Variants in CCDC149 observed in about 807,000 individuals in gnomAD.
CCDC149 encodes the protein coiled-coil domain-containing protein 149.
In CCDC149, 45 loss-of-function variants were observed where a neutral mutation model predicts 59.9. The observed-to-expected ratio is 0.75, with a 90% CI of 0.59 to 0.96. The LOEUF is 0.96. Ranked by LOEUF, CCDC149 falls within the 40% of genes least tolerant of loss-of-function variation. The pLI is 0.00. For missense variants in CCDC149, 584 were observed against 664.7 expected (o/e 0.88, Z 1.33); for synonymous variants, 245 against 260.6 (o/e 0.94, Z 0.58).
intron 1 of CCDC149, among the ~76,000 whole-genome samples, chr4:24,952,383 G>T (rs899287406): frequency 2.0e-5 from 3 of 151,320 alleles, no homozygotes; most frequent in African/African-American, 7.3e-5. Context: ...CTTGAGGTCG[G>T]GAGTTCAAGA....
intron 4 of CCDC149, among the ~76,000 whole-genome samples, chr4:24,846,881 C>A (rs1717322082): frequency 6.6e-6 from 1 of 152,188 alleles, no homozygotes; most frequent in African/African-American, 2.4e-5. Context: ...TATTGGTCCT[C>A]TGCATGAAAG....
chr4:24,831,396 G>A, intron 9 of CCDC149, 110 bp downstream of exon 9: 1 of 1,061,936 alleles, frequency 9.4e-7, no homozygotes, highest in African/African-American at 1.6e-5. Context: ...GATTTGAGGG[G>A]TCTCACCTTC....
At chr4:24,948,847 T>C (rs1723195402) in intron 1 of CCDC149, among the ~76,000 whole-genome samples, 1 of 152,190 alleles carries the variant, frequency 6.6e-6, no homozygotes, top group African/African-American at 2.4e-5. Flanking sequence ...GTTCTTGTGA[T>C]AGTGAATAAA....
intron 1 of CCDC149, among the ~76,000 whole-genome samples, chr4:24,932,128 C>T (rs1330715613): frequency 6.6e-6 from 1 of 151,882 alleles, no homozygotes; most frequent in Non-Finnish European, 1.5e-5. Flanking sequence ...ATTGTGGCTT[C>T]TATTTTTAAC....
intron 1 of CCDC149, among the ~76,000 whole-genome samples, chr4:24,934,857 G>C (rs1722695256): frequency 6.6e-6 from 1 of 152,218 alleles, no homozygotes; most frequent in South Asian, 2.1e-4. Context: ...AGTCGACTGA[G>C]AATACGATAA....
chr4:24,874,257 T>TG lies in CCDC149; in HGVS notation c.226-539_226-538insC, dbSNP rs1453438732. Among the ~76,000 whole-genome samples, 41 of 52,544 alleles carry TG rather than the reference T, an allele frequency of 7.8e-4. 3 individuals are homozygous for TG. Among genetic ancestry groups the TG allele is most frequent in the African/African-American group, 2.4e-3 (30 of 12,304 alleles). 34.5% of individuals were successfully genotyped at this position (52,544 alleles called of 152,430 possible). ...CCTATTAGATTTGTTTTTTTTTTTT[T>TG]TTGTTTTGTTTTTTTTTGTTTTTTT... On this transcript the variant is annotated intron_variant, in intron 2 of 12. Coordinates refer to ENST00000635206, the MANE Select transcript of CCDC149 (RefSeq NM_001330643.2).
intron 1 of CCDC149, among the ~76,000 whole-genome samples, chr4:24,927,860 C>T (rs565531115): frequency 6.6e-6 from 1 of 152,062 alleles, no homozygotes; most frequent in African/African-American, 2.4e-5. Flanking sequence ...ATATGCTTGG[C>T]TTGAAAAAAA....
At chr4:24,933,268 T>C (rs1267997299) in intron 1 of CCDC149, among the ~76,000 whole-genome samples, 1 of 152,136 alleles carries the variant, frequency 6.6e-6, no homozygotes, top group Non-Finnish European at 1.5e-5. Context: ...GGATACTAAG[T>C]GGTACTTTGT....
intron 1 of CCDC149, chr4:24,895,105 A>C: frequency 9.2e-7 from 1 of 1,091,324 alleles, no homozygotes; most frequent in Non-Finnish European, 1.4e-6. Context: ...CTACTTATGA[A>C]TAAGTAGTGC....
intron 3 of CCDC149, among the ~76,000 whole-genome samples, chr4:24,869,820 C>T (rs1718927449): frequency 6.6e-6 from 1 of 152,120 alleles, no homozygotes; most frequent in African/African-American, 2.4e-5. Context: ...AGGAGCCTTC[C>T]CAAAGCCTCA....
At chr4:24,953,558 G>C (rs1008668397) in intron 1 of CCDC149, among the ~76,000 whole-genome samples, 1 of 152,156 alleles carries the variant, frequency 6.6e-6, no homozygotes, top group Middle Eastern at 3.2e-3. Flanking sequence ...TTGGCAAACA[G>C]CAAACTCTAG....
chr4:24,879,198 T>A (rs1719670325), intron 1 of CCDC149, among the ~76,000 whole-genome samples: 1 of 152,158 alleles, frequency 6.6e-6, no homozygotes, highest in South Asian at 2.1e-4. Context: ...CACAAGTCTT[T>A]GGCATCTATA....
Position 24,845,324 on chromosome 4 carries a change from G to A in CCDC149, c.373-7052C>T, listed in dbSNP as rs115891300. 6.5e-3 allele frequency among the ~76,000 whole-genome samples: 990 copies of A among 152,226 alleles called. 12 individuals carry two copies. Among genetic ancestry groups the A allele is most frequent in the African/African-American group, 0.022 (918 of 41,516 alleles). On this transcript the variant is annotated intron_variant, in intron 4 of 12. Coordinates refer to ENST00000635206, the MANE Select transcript of CCDC149 (RefSeq NM_001330643.2). ...TCAGGGCTCTGTGTCACGCACATGC[G>A]CAGAGGGCCTTCCCTGACCACCTGA...
intron 4 of CCDC149, 39 bp downstream of exon 4, chr4:24,853,033 G>C: frequency 5.4e-6 from 7 of 1,299,598 alleles, no homozygotes; most frequent in Non-Finnish European, 7.8e-6. Flanking sequence ...AACGCACAAT[G>C]TTGCAGCAGA....
At chr4:24,923,010 A>G (rs915367945) in intron 1 of CCDC149, among the ~76,000 whole-genome samples, 1 of 152,042 alleles carries the variant, frequency 6.6e-6, no homozygotes, top group Non-Finnish European at 1.5e-5. Context: ...TCAGCATCCT[A>G]TATACTTGGG....
chr4:24,855,884 G>A (rs1245046071), intron 3 of CCDC149, among the ~76,000 whole-genome samples: 2 of 152,236 alleles, frequency 1.3e-5, no homozygotes, highest in African/African-American at 4.8e-5. Flanking sequence ...TCCCTAAATG[G>A]GAGGAATCAG....
At chr4:24,814,092 C>T (rs779477550) in intron 12 of CCDC149, among the ~76,000 whole-genome samples, 1 of 152,136 alleles carries the variant, frequency 6.6e-6, no homozygotes, top group Non-Finnish European at 1.5e-5. Context: ...TAGACAAATT[C>T]CAGGGACAGA....
chr4:24,895,007 G>T (rs903895647), intron 1 of CCDC149: 2 of 1,536,278 alleles, frequency 1.3e-6, no homozygotes, highest in Non-Finnish European at 1.7e-6. Context: ...AATCCCAAGT[G>T]GCCGCTCTGG....
chr4:24,938,538 G>A (rs559010886), intron 1 of CCDC149, among the ~76,000 whole-genome samples: 7 of 152,078 alleles, frequency 4.6e-5, no homozygotes, highest in African/African-American at 7.2e-5. Context: ...ACTGGGGAGC[G>A]CAGTGGGTGC....
Sources: allele counts gnomAD v4.1 joint callset (sites outside exome capture counted in the v4.1 genomes callset), GRCh38; gene constraint gnomAD v4.1.1; transcripts MANE v1.5; gene names NCBI Gene and HGNC (gene_info 2026-07-23, HGNC 2026-07-21).